PIKFYVE: variants seen among roughly 807,000 people sequenced by gnomAD.
PIKFYVE encodes the protein 1-phosphatidylinositol 3-phosphate 5-kinase.
A neutral mutation model predicts 257.9 loss-of-function variants in PIKFYVE; 122 were observed. That is an observed-to-expected ratio of 0.47 (90% CI 0.41 to 0.55). The LOEUF is 0.55. PIKFYVE is among the 20% of genes least tolerant of loss of function. The probability of loss-of-function intolerance (pLI) is 0.00; values close to 1 mark genes in which losing one functional copy is unlikely to be tolerated. For synonymous variants in PIKFYVE, 892 were observed against 868.9 expected (o/e 1.03, Z -0.47); for missense variants, 2,160 against 2,536.6 (o/e 0.85, Z 3.19).
chr2:208,279,432 T>C (rs1442463814), intron 5 of PIKFYVE, among the ~76,000 whole-genome samples: 1 of 152,198 alleles, frequency 6.6e-6, no homozygotes, highest in Admixed American at 6.5e-5. Flanking sequence ...TTTTTGTTTT[T>C]GTTGCAGTTG....
intron 5 of PIKFYVE, among the ~76,000 whole-genome samples, chr2:208,279,524 T>G (rs997547390): frequency 6.6e-6 from 1 of 152,232 alleles, no homozygotes; most frequent in African/African-American, 2.4e-5. Context: ...AGGACTTTCA[T>G]AGTTTGAGGT....
At chr2:208,304,043 G>A in intron 10 of PIKFYVE, 128 bp from the exon 11 acceptor site, 1 of 1,208,738 alleles carries the variant, frequency 8.3e-7, no homozygotes, top group South Asian at 1.3e-5. Flanking sequence ...TTGTTAATTT[G>A]TTTATTTTTA....
chr2:208,339,998 T>A lies in PIKFYVE; in HGVS notation c.4811-13T>A, dbSNP rs750922864. ...TGAATATTAATATATAAGTAGACTATTTTTCATTTTAGATGTGTTTGATGG... is the reference window on the plus strand; with the variant it reads ...TGAATATTAATATATAAGTAGACTAATTTTCATTTTAGATGTGTTTGATGG... On this transcript the variant is annotated splice_polypyrimidine_tract_variant and intron_variant, in intron 30 of 41. Transcript: ENST00000264380. The A allele has an allele frequency of 1.9e-6, 3 of 1,611,356 alleles. 1 individual carries two copies. The South Asian group carries it at 3.3e-5, about 18-fold the overall frequency.
At chr2:208,296,647 G>A (rs780246053) in intron 7 of PIKFYVE, among the ~76,000 whole-genome samples, 5 of 152,136 alleles carry the variant, frequency 3.3e-5, no homozygotes, top group Non-Finnish European at 7.4e-5. Flanking sequence ...GAAAAGGGAG[G>A]AAATAAGGAC....
chr2:208,283,346 A>G (rs957206754), intron 5 of PIKFYVE, among the ~76,000 whole-genome samples: 5 of 152,122 alleles, frequency 3.3e-5, no homozygotes, highest in Admixed American at 6.5e-5. Context: ...TATCTCATCA[A>G]TCTTTGTATT....
chr2:208,269,448 G>T, intron 1 of PIKFYVE: 1 of 247,068 alleles, frequency 4.0e-6, no homozygotes, highest in Non-Finnish European at 8.5e-6. Context: ...CCAGGGTGGT[G>T]AGGACTTGTC....
rs1190300440 is a variant in PIKFYVE, at chr2:208,353,329, C to T, written c.5844+547C>T. 2.0e-5 allele frequency among the ~76,000 whole-genome samples: 3 copies of T among 152,154 alleles called. No individual in the cohort carries two copies. The East Asian group carries it at 5.8e-4, about 29-fold the overall frequency. On this transcript the variant is annotated intron_variant, in intron 39 of 41. Coordinates refer to ENST00000264380, the MANE Select transcript of PIKFYVE (RefSeq NM_015040.4). ...TGATTTATATTCTGGCACTAGTTCC[C>T]TAATGTTGTAGTGAGCCAGGAGCAA...
At chr2:208,291,318 A>AT (rs1692284513) in intron 7 of PIKFYVE, among the ~76,000 whole-genome samples, 1 of 152,170 alleles carries the variant, frequency 6.6e-6, no homozygotes, top group African/African-American at 2.4e-5. Context: ...TTGAATGTTG[A>AT]ACCAGCCTTG....
chr2:208,272,184 G>A (rs1400293206), intron 2 of PIKFYVE, among the ~76,000 whole-genome samples: 1 of 151,678 alleles, frequency 6.6e-6, no homozygotes, highest in Non-Finnish European at 1.5e-5. Context: ...GCAGTGAGCC[G>A]AGATTGCGCG....
At chr2:208,306,869 G>T (rs6730328) in intron 12 of PIKFYVE, among the ~76,000 whole-genome samples, 2 of 151,758 alleles carry the variant, frequency 1.3e-5, no homozygotes, top group Non-Finnish European at 2.9e-5. Context: ...CCTCCGCCTC[G>T]TGGGTTCAAG....
chr2:208,325,115 T>A (rs1404312827), intron 19 of PIKFYVE, 78 bp downstream of exon 19: 2 of 1,597,878 alleles, frequency 1.3e-6, no homozygotes, highest in African/African-American at 2.7e-5. Flanking sequence ...TACTAGGAAA[T>A]ACCTATTAAT....
At chr2:208,296,434 A>C (rs1375769889) in intron 7 of PIKFYVE, among the ~76,000 whole-genome samples, 1 of 152,190 alleles carries the variant, frequency 6.6e-6, no homozygotes, top group Non-Finnish European at 1.5e-5. Flanking sequence ...GGAGGGGTGG[A>C]ATTACCAACT....
chr2:208,317,149 A>G (rs2125487395), intron 15 of PIKFYVE, among the ~76,000 whole-genome samples: 1 of 151,300 alleles, frequency 6.6e-6, no homozygotes, highest in African/African-American at 2.4e-5. Context: ...TAATTAAACT[A>G]AAGAGCTTCT....
At chr2:208,319,737 C>G (rs1226616010) in intron 16 of PIKFYVE, among the ~76,000 whole-genome samples, 4 of 152,130 alleles carry the variant, frequency 2.6e-5, no homozygotes, top group Non-Finnish European at 5.9e-5. Flanking sequence ...TTCAGATTTT[C>G]TTTTTGAACT....
chr2:208,295,378 T>C (rs1335743648), intron 7 of PIKFYVE, among the ~76,000 whole-genome samples: 1 of 152,236 alleles, frequency 6.6e-6, no homozygotes, highest in African/African-American at 2.4e-5. Context: ...TTATGTAATA[T>C]ACTGTAGGTA....
chr2:208,355,148 T>G (rs761706115), intron 41 of PIKFYVE, 42 bp from the exon 42 acceptor site: 8 of 1,489,488 alleles, frequency 5.4e-6, no homozygotes, highest in Non-Finnish European at 7.5e-6. Flanking sequence ...CCCAATCAAT[T>G]ATATAACAGC....
chr2:208,339,318 CT>C (rs1279874067), intron 29 of PIKFYVE, 99 bp from the exon 30 acceptor site: 21 of 1,397,254 alleles, frequency 1.5e-5, no homozygotes, highest in Non-Finnish European at 2.0e-5. Flanking sequence ...AAAATTCTAC[CT>C]TTTAGGAAGT....
chr2:208,269,472 C>T (rs1001855749), intron 1 of PIKFYVE: 4 of 253,140 alleles, frequency 1.6e-5, no homozygotes, highest in Non-Finnish European at 3.3e-5. Flanking sequence ...GCTCTGCTCC[C>T]GTGACTTTGC....
intron 8 of PIKFYVE, among the ~76,000 whole-genome samples, chr2:208,300,691 A>G (rs527686952): frequency 6.6e-6 from 1 of 152,310 alleles, no homozygotes; most frequent in Non-Finnish European, 1.5e-5. Flanking sequence ...AATATGTGCC[A>G]TTGACTGAAA....
Sources: allele counts gnomAD v4.1 joint callset (sites outside exome capture counted in the v4.1 genomes callset), GRCh38; gene constraint gnomAD v4.1.1; transcripts MANE v1.5; gene names NCBI Gene and HGNC (gene_info 2026-07-23, HGNC 2026-07-21).